The following PLCG1 variants were observed in gnomAD, a reference collection of about 807,000 sequenced individuals.
PLCG1 encodes 1-phosphatidylinositol 4,5-bisphosphate phosphodiesterase gamma-1.
PLCG1 carries 71 observed loss-of-function variants against 177.8 expected under a neutral mutation model. That is an observed-to-expected ratio of 0.40 (90% CI 0.33 to 0.49). The LOEUF is 0.49. Among genes scored for constraint, PLCG1 ranks in the 20% least tolerant of loss-of-function variants. The pLI is 0.72. For synonymous variants in PLCG1, 658 were observed against 647.9 expected (o/e 1.02, Z -0.24); for missense variants, 1,281 against 1,709.0 (o/e 0.75, Z 4.42).
Position 41,173,541 on chromosome 20 carries a change from CTG to C in PLCG1, c.3394+9_3394+10del, listed in dbSNP as rs771583495. ...CAGAAGACAGAGTTTGTGGGTCAGT[CTG>C]TCTTCCCAGTCATCCTCCTCATCCT... On this transcript the variant is annotated splice_region_variant and intron_variant, in intron 28 of 31. Transcript: ENST00000685551. The surrounding 1 kb of genome is among the most constrained non-coding windows in gnomAD (Gnocchi z 6.2). The C allele has an allele frequency of 4.3e-6, 7 of 1,613,818 alleles. 1 individual carries two copies. The highest frequency in any genetic ancestry group is 3.3e-5 in the South Asian group (3 of 91,056).
At position 41,176,089 on chromosome 20, in the gene PLCG1, C is replaced by T. The variant is rs1350495366; in HGVS notation, c.*1580C>T. On this transcript the variant is annotated 3_prime_UTR_variant, in exon 32 of 32. Transcript: ENST00000685551. ...CTGCCAGGTGCCATTCTGATTGCCT[C>T]TAGGACTTGGCAGCTGAAATCTCTG... 2 of 152,188 alleles carry T rather than the reference C, an allele frequency of 1.3e-5. No homozygotes were observed. The highest frequency in any genetic ancestry group is 4.8e-5 in the African/African-American group (2 of 41,450). 9.4% of individuals were successfully genotyped at this position (152,188 alleles called of 1,614,324 possible). A position where few individuals can be genotyped will look rare whatever the true frequency, so the allele number is the denominator to read the frequency against.
At chr20:41,162,580 C>T (rs1481920142) in intron 5 of PLCG1, 44 bp downstream of exon 5, 1 of 1,607,544 alleles carries the variant, frequency 6.2e-7, no homozygotes, top group Non-Finnish European at 8.5e-7. Flanking sequence ...GCAGGGGAAG[C>T]CAAGAGCCCT....
rs2035971580 is a variant in PLCG1 at position 41,173,595 on chromosome 20, C to G, written c.3395-57C>G. ...CTGGGGCACTGCAAGCCTCTCCCCACCAGTCATCCCATCCTCTCCCACGGT... is the reference window on the plus strand; with the variant it reads ...CTGGGGCACTGCAAGCCTCTCCCCAGCAGTCATCCCATCCTCTCCCACGGT... On this transcript the variant is annotated intron_variant, in intron 28 of 31. Transcript: ENST00000685551. This position sits in a 1 kb window ranked among gnomAD's most constrained non-coding sequence, Gnocchi z 6.2. 1.2e-6 allele frequency: 2 copies of G among 1,614,090 alleles called. No homozygotes were observed. The highest frequency in any genetic ancestry group is 2.2e-5 in the South Asian group (2 of 91,076).
At chr20:41,168,047 C>T (rs1208738645) in intron 20 of PLCG1, 118 bp downstream of exon 20, 9 of 763,646 alleles carry the variant, frequency 1.2e-5, no homozygotes, top group Admixed American at 4.4e-5. Flanking sequence ...TGTGGTTTTC[C>T]GAGGCCCAAG....
rs2035792570 is a variant in PLCG1 at position 41,168,847 on chromosome 20, T to A, written c.2460T>A (p.Asn820Lys). 6 of 1,611,414 alleles carry A rather than the reference T, an allele frequency of 3.7e-6. No homozygotes were observed. Among genetic ancestry groups the A allele is most frequent in the Non-Finnish European group, 5.1e-6 (6 of 1,178,674 alleles). Residue 820 changes from asparagine (N) to lysine (K), a missense_variant, in exon 21 of 32, where the codon AAT becomes AAA. Physicochemically the swap from Asn to Lys is moderately conservative, Grantham distance 94 (BLOSUM62 0). Transcript: ENST00000685551. ...LTFIKSAIIQ[N>K]VEKQEGGWWR... The stretch of plus-strand genomic sequence containing the variant: ...TCATCAAGAGCGCCATCATCCAGAA[T>A]GTGGAGAAGCAAGAGGGAGGCTGGT...
Position 41,174,165 on chromosome 20 carries a change from G to A in PLCG1, c.3687G>A (p.Leu1229=). The part of the protein sequence containing the change: ...GDLSPFSGTS[L]RERGSDASGQ... ...TCAGTCCCTTCAGTGGTACGTCCCT[G>A]CGGGAGCGGGGCTCAGATGCCTCAG... is the stretch of plus-strand genomic sequence containing the variant. Residue 1229 remains leucine (L), a synonymous_variant, in exon 31 of 32, where the codon CTG becomes CTA. Coordinates refer to ENST00000685551, the MANE Select transcript of PLCG1 (RefSeq NM_002660.3). This position sits in a 1 kb window ranked among gnomAD's most constrained non-coding sequence, Gnocchi z 5.8. 1 of 1,614,172 alleles carries A rather than the reference G, an allele frequency of 6.2e-7. No individual in the cohort carries two copies. The highest frequency in any genetic ancestry group is 8.5e-7 in the Non-Finnish European group (1 of 1,180,008).
Position 41,177,595 on chromosome 20 carries a change from T to C in PLCG1, c.*3086T>C, listed in dbSNP as rs1011043530. ...CTCGGTGAATGAAAGGATCATGCCT[T>C]CTTCACATTTTAATTAAATGGATCA... On this transcript the variant is annotated 3_prime_UTR_variant, in exon 32 of 32. Coordinates refer to ENST00000685551, the MANE Select transcript of PLCG1 (RefSeq NM_002660.3). 2.6e-5 allele frequency: 4 copies of C among 152,208 alleles called. No individual in the cohort carries two copies. Among genetic ancestry groups the C allele is most frequent in the East Asian group, 3.9e-4 (2 of 5,194 alleles). 9.4% of individuals were successfully genotyped at this position (152,208 alleles called of 1,614,324 possible). A position where few individuals can be genotyped will look rare whatever the true frequency, so the allele number is the denominator to read the frequency against.
Position 41,166,121 on chromosome 20 carries a change from A to C in PLCG1, c.1800-73A>C. The C allele has an allele frequency of 2.2e-6, 3 of 1,359,322 alleles. No individual in the cohort carries two copies. Among genetic ancestry groups the C allele is most frequent in the Non-Finnish European group, 3.1e-6 (3 of 967,428 alleles). 84.2% of individuals were successfully genotyped at this position (1,359,322 alleles called of 1,614,324 possible). On this transcript the variant is annotated intron_variant, in intron 16 of 31. Transcript: ENST00000685551. The surrounding 1 kb of genome is among the most constrained non-coding windows in gnomAD (Gnocchi z 8.6). ...GGCTCCCTCCTTGAGTTCCACCCTC[A>C]TTTGGGGTGGAACTTGGTCTTTGGG...
Position 41,166,421 on chromosome 20 carries a change from A to G in PLCG1, c.2000+27A>G. The G allele has an allele frequency of 6.2e-7, 1 of 1,613,962 alleles. No homozygotes were observed. On this transcript the variant is annotated intron_variant, in intron 17 of 31. Coordinates refer to ENST00000685551, the MANE Select transcript of PLCG1 (RefSeq NM_002660.3). The surrounding 1 kb of genome is among the most constrained non-coding windows in gnomAD (Gnocchi z 8.6). Reference sequence around the variant, plus strand: ...TGAGGGAAGGGCCTGGGGGCGGACAAGGCAGGGCAGGGCCATGGGTGGTGC... The same window carrying G: ...TGAGGGAAGGGCCTGGGGGCGGACAGGGCAGGGCAGGGCCATGGGTGGTGC...
intron 4 of PLCG1, 44 bp from the exon 5 acceptor site, chr20:41,162,408 T>C: frequency 6.7e-7 from 1 of 1,490,946 alleles, no homozygotes; most frequent in Non-Finnish European, 9.4e-7. Context: ...TCAGAGGTCA[T>C]GAGAAGCTGG....
chr20:41,154,416 C>T (rs909148338), intron 1 of PLCG1, among the ~76,000 whole-genome samples: 4 of 152,244 alleles, frequency 2.6e-5, no homozygotes, highest in African/African-American at 4.8e-5. Flanking sequence ...TTGGCTGGCT[C>T]TCACTGGCTG....
At chr20:41,168,558 C>T (rs143264231) in intron 20 of PLCG1, among the ~76,000 whole-genome samples, 241 of 152,348 alleles carry the variant, frequency 1.6e-3, no homozygotes, top group Middle Eastern at 6.8e-3. Context: ...CTGGCAGAGG[C>T]CCTGCCTCTC....
chr20:41,166,105 C>T lies in PLCG1; in HGVS notation c.1800-89C>T, dbSNP rs2035682411. The T allele has an allele frequency of 8.3e-7, 1 of 1,209,484 alleles. No homozygotes were observed. The highest frequency in any genetic ancestry group is 2.4e-5 in the East Asian group (1 of 42,018). 74.9% of individuals were successfully genotyped at this position (1,209,484 alleles called of 1,614,324 possible). On this transcript the variant is annotated intron_variant, in intron 16 of 31. Transcript: ENST00000685551. This position sits in a 1 kb window ranked among gnomAD's most constrained non-coding sequence, Gnocchi z 8.6. Reference sequence around the variant, plus strand: ...TGGCCTCCCTCCTTGAGGCTCCCTCCTTGAGTTCCACCCTCATTTGGGGTG... The same window carrying T: ...TGGCCTCCCTCCTTGAGGCTCCCTCTTTGAGTTCCACCCTCATTTGGGGTG...
rs760292862 is a variant in PLCG1 at position 41,174,526 on chromosome 20, T to C, written c.*17T>C. ...CGCCTCTAGTTGTACCCCAGCCTCG[T>C]TGGAGAGCAGCAGGTGCTGTGCGCC... On this transcript the variant is annotated 3_prime_UTR_variant, in exon 32 of 32. Coordinates refer to ENST00000685551, the MANE Select transcript of PLCG1 (RefSeq NM_002660.3). The surrounding 1 kb of genome is among the most constrained non-coding windows in gnomAD (Gnocchi z 5.8). 9.1e-5 allele frequency: 143 copies of C among 1,577,468 alleles called. No homozygotes were observed. Among genetic ancestry groups the C allele is most frequent in the Non-Finnish European group, 1.2e-4 (139 of 1,160,574 alleles).
Position 41,150,701 on chromosome 20 carries a change from T to G in PLCG1, c.218-8905T>G, listed in dbSNP as rs1198660267. Among the ~76,000 whole-genome samples, 1 of 152,200 alleles carries G rather than the reference T, an allele frequency of 6.6e-6. No individual in the cohort carries two copies. Among genetic ancestry groups the G allele is most frequent in the Non-Finnish European group, 1.5e-5 (1 of 68,038 alleles). On this transcript the variant is annotated intron_variant, in intron 1 of 31. Transcript: ENST00000685551. The surrounding 1 kb of genome is among the most constrained non-coding windows in gnomAD (Gnocchi z 4.0). ...CATCCATGATACTCTGAATGCCCTG[T>G]TTGTGGAACTTAGTGGACTCCTGCA...
chr20:41,163,142 T>C lies in PLCG1; in HGVS notation c.717-61T>C. ...TGCTGGCTGGGAGTTGGGTTCTGCCTTCCGTGGGGCACCTTGTTGTCTGTT... is the reference window on the plus strand; with the variant it reads ...TGCTGGCTGGGAGTTGGGTTCTGCCCTCCGTGGGGCACCTTGTTGTCTGTT... On this transcript the variant is annotated intron_variant, in intron 7 of 31. Transcript: ENST00000685551. This position sits in a 1 kb window ranked among gnomAD's most constrained non-coding sequence, Gnocchi z 5.2. The C allele has an allele frequency of 6.5e-7, 1 of 1,529,562 alleles. No individual in the cohort carries two copies. Among genetic ancestry groups the C allele is most frequent in the Non-Finnish European group, 8.9e-7 (1 of 1,120,682 alleles). The allele number at this position is 1,529,562 out of a possible 1,614,324, so 94.7% of individuals were successfully genotyped here.
chr20:41,163,245 G>A lies in PLCG1; in HGVS notation c.759G>A (p.Glu253=), dbSNP rs1278528644. 1.9e-6 allele frequency: 3 copies of A among 1,553,470 alleles called. No individual in the cohort carries two copies. Among genetic ancestry groups the A allele is most frequent in the Non-Finnish European group, 2.6e-6 (3 of 1,152,530 alleles). Residue 253 remains glutamate (E), a synonymous_variant, in exon 8 of 32, where the codon GAG becomes GAA. Transcript: ENST00000685551. The surrounding 1 kb of genome is among the most constrained non-coding windows in gnomAD (Gnocchi z 5.2). ...AGCTTTGCCGAGTGTCCCTTCCTGA[G>A]TTCCAGCAGTTCCTTCTTGACTACC... is the stretch of plus-strand genomic sequence containing the variant. The part of the protein sequence containing the change: ...RPELCRVSLP[E]FQQFLLDYQG...
chr20:41,145,896 G>C (rs1395687727), intron 1 of PLCG1, among the ~76,000 whole-genome samples: 1 of 152,174 alleles, frequency 6.6e-6, no homozygotes, highest in African/African-American at 2.4e-5. Context: ...AGTTCCTTTT[G>C]AGGTGGTTCT....
rs1319349097 is a variant in PLCG1, at chr20:41,173,351, G to A, written c.3280-69G>A. ...TGCCTCCACTCCACAGATGCTGACT[G>A]AGCCTCCGCAGTGGGGAATTGGAGG... On this transcript the variant is annotated intron_variant, in intron 27 of 31. Transcript: ENST00000685551. The surrounding 1 kb of genome is among the most constrained non-coding windows in gnomAD (Gnocchi z 6.2). 25 of 1,451,482 alleles carry A rather than the reference G, an allele frequency of 1.7e-5. No homozygotes were observed. The highest frequency in any genetic ancestry group is 2.3e-5 in the Non-Finnish European group (25 of 1,088,670). The allele number at this position is 1,451,482 out of a possible 1,614,324, so 89.9% of individuals were successfully genotyped here.
Sources: allele counts gnomAD v4.1 joint callset (sites outside exome capture counted in the v4.1 genomes callset), GRCh38; gene constraint gnomAD v4.1.1; non-coding constraint Gnocchi (gnomAD v3.1); transcripts MANE v1.5; gene names NCBI Gene and HGNC (gene_info 2026-07-23, HGNC 2026-07-21).